RASA2: variants seen among roughly 807,000 people sequenced by gnomAD.
The protein encoded by RASA2 is RAS p21 protein activator 2.
A neutral mutation model predicts 118.2 loss-of-function variants in RASA2; 155 were observed. The ratio of observed to expected loss-of-function variants is 1.31; its 90% CI spans 1.15 to 1.50. The LOEUF (loss-of-function observed/expected upper bound fraction) is 1.50. Among genes scored for constraint, RASA2 ranks in the 40% most tolerant of loss-of-function variants. The pLI is 0.00. For synonymous variants in RASA2, 353 were observed against 349.1 expected, an observed-to-expected ratio of 1.01 and a Z score of -0.12; for missense variants, 1,016 against 1,009.6, an observed-to-expected ratio of 1.01 and a Z score of -0.09.
chr3:141,521,844 T>C (rs1377594047), intron 3 of RASA2, among the ~76,000 whole-genome samples: 1 of 151,982 alleles, frequency 6.6e-6, no homozygotes, highest in Non-Finnish European at 1.5e-5. Flanking sequence ...CTTATACATT[T>C]TTAACATTTT....
At position 141,608,662 on chromosome 3, in the gene RASA2, T is replaced by C. The variant is rs1192966380; in HGVS notation, c.2190T>C (p.Thr730=). 2 of 1,613,906 alleles carry C rather than the reference T, an allele frequency of 1.2e-6. No individual in the cohort carries two copies. The highest frequency in any genetic ancestry group is 3.3e-5 in the Admixed American group (2 of 59,948). ...GAAATTGGCTCTGCTGTCAGGAGAC[T>C]GGTGAAAACACTCTCGGCTGCAAGC... ...LNGNWLCCQE[T]GENTLGCKPC... is the part of the protein sequence containing the mutation. Residue 730 remains threonine, a synonymous_variant, in exon 21 of 24, where the codon ACT becomes ACC. Transcript: ENST00000286364.
At chr3:141,555,028 G>A (rs907145665) in intron 6 of RASA2, among the ~76,000 whole-genome samples, 44 of 152,174 alleles carry the variant, frequency 2.9e-4, no homozygotes, top group African/African-American at 9.9e-4. Context: ...TTGGGAGGCC[G>A]AGGCGGGTGG....
chr3:141,502,109 A>G (rs1290086124), intron 1 of RASA2, among the ~76,000 whole-genome samples: 2 of 152,194 alleles, frequency 1.3e-5, no homozygotes, highest in Non-Finnish European at 2.9e-5. Flanking sequence ...AAGTATATAT[A>G]ATGCAACATT....
rs186059330 is a variant in RASA2, at chr3:141,542,715, C to T, written c.527+2106C>T. On this transcript the variant is annotated intron_variant, in intron 5 of 23. Transcript: ENST00000286364. The stretch of plus-strand genomic sequence containing the variant: ...CATGTGTGTTGATTTGTGTAACTAC[C>T]ACCACCAAGATACGAAACTCTTCTG... Among the ~76,000 whole-genome samples the T allele has an allele frequency of 2.0e-4, 31 of 152,008 alleles. No homozygotes were observed. In the East Asian group the frequency reaches 5.4e-3, roughly 27 times the overall value.
chr3:141,523,818 C>T (rs1456216095), intron 3 of RASA2, among the ~76,000 whole-genome samples: 1 of 152,172 alleles, frequency 6.6e-6, no homozygotes, highest in African/African-American at 2.4e-5. Context: ...ACCTGAATAC[C>T]AGTCATGACT....
At chr3:141,555,764 C>T in intron 6 of RASA2, 76 bp from the exon 7 acceptor site, 1 of 1,264,286 alleles carries the variant, frequency 7.9e-7, no homozygotes, top group Non-Finnish European at 1.1e-6. Flanking sequence ...GGTCAGGCTC[C>T]CTGGTTGGAA....
At chr3:141,529,949 G>T (rs1182970215) in intron 4 of RASA2, 147 bp downstream of exon 4, 1 of 599,314 alleles carries the variant, frequency 1.7e-6, no homozygotes, top group Non-Finnish European at 2.8e-6. Flanking sequence ...GGTAATATAG[G>T]ACAGGAAGGT....
At chr3:141,573,255 A>T in intron 13 of RASA2, 34 bp downstream of exon 13, 2 of 1,523,740 alleles carry the variant, frequency 1.3e-6, no homozygotes, top group Non-Finnish European at 1.7e-6. Flanking sequence ...TAATTGCATT[A>T]AAATTGGTCT....
chr3:141,512,943 A>G (rs1412845890), intron 2 of RASA2, among the ~76,000 whole-genome samples: 4 of 151,906 alleles, frequency 2.6e-5, no homozygotes, highest in South Asian at 2.1e-4. Flanking sequence ...GGTGTCTGTA[A>G]TCTCAGCTAC....
chr3:141,581,692 T>A (rs1437860551), intron 17 of RASA2, among the ~76,000 whole-genome samples: 1 of 152,176 alleles, frequency 6.6e-6, no homozygotes, highest in Non-Finnish European at 1.5e-5. Flanking sequence ...GGGCACTTAA[T>A]TGCCATAGTA....
intron 19 of RASA2, among the ~76,000 whole-genome samples, chr3:141,596,577 C>T (rs1277188900): frequency 1.3e-5 from 2 of 152,012 alleles, no homozygotes; most frequent in African/African-American, 4.8e-5. Flanking sequence ...ATTTGCAAAA[C>T]GCTTATCTAA....
At chr3:141,611,656 G>A (rs912069321) in intron 23 of RASA2, among the ~76,000 whole-genome samples, 36 of 152,054 alleles carry the variant, frequency 2.4e-4, no homozygotes, top group African/African-American at 8.5e-4. Context: ...CTGAATCCTG[G>A]CCCTACCACT....
intron 4 of RASA2, among the ~76,000 whole-genome samples, chr3:141,536,614 G>T (rs1034924360): frequency 1.3e-5 from 2 of 152,166 alleles, no homozygotes; most frequent in Admixed American, 1.3e-4. Flanking sequence ...ATAATACAGT[G>T]CAAGGTATCT....
chr3:141,507,051 T>G (rs771517366), intron 1 of RASA2, among the ~76,000 whole-genome samples: 1 of 152,172 alleles, frequency 6.6e-6, no homozygotes, highest in Non-Finnish European at 1.5e-5. Context: ...TTTGTGAAGG[T>G]AGATACAACT....
intron 19 of RASA2, chr3:141,600,233 C>G (rs1166664420): frequency 2.0e-6 from 1 of 490,514 alleles, no homozygotes; most frequent in Non-Finnish European, 4.1e-6. Flanking sequence ...AAAAAGGTTT[C>G]TTGAAGGAAA....
At chr3:141,577,668 A>C (rs2083035460) in intron 15 of RASA2, among the ~76,000 whole-genome samples, 1 of 152,222 alleles carries the variant, frequency 6.6e-6, no homozygotes, top group African/African-American at 2.4e-5. Flanking sequence ...GAACTGGATA[A>C]GCATTAACAG....
At chr3:141,504,887 T>G (rs983067839) in intron 1 of RASA2, among the ~76,000 whole-genome samples, 6 of 152,164 alleles carry the variant, frequency 3.9e-5, no homozygotes, top group African/African-American at 1.4e-4. Flanking sequence ...TTGCCACTCC[T>G]CCAGTGTGCC....
chr3:141,561,431 T>C (rs3821709), intron 9 of RASA2, among the ~76,000 whole-genome samples: 10,878 of 152,318 alleles, frequency 0.071, 754 homozygotes, highest in East Asian at 0.24. Context: ...TTTATTTTTA[T>C]AGATGTTTTT....
At position 141,572,691 on chromosome 3, in the gene RASA2, C is replaced by G. The variant is rs1314529497; in HGVS notation, c.1252C>G (p.Leu418Val). 1 of 1,611,836 alleles carries G rather than the reference C, an allele frequency of 6.2e-7. No homozygotes were observed. The highest frequency in any genetic ancestry group is 8.5e-7 in the Non-Finnish European group (1 of 1,178,354). The change falls in exon 12 of 24, where the codon CTG becomes GTG. Residue 418 changes from leucine (L) to valine (V), a missense_variant. By Grantham distance (32) the Leu-to-Val change is conservative. Around this residue, in one of 2 missense-constraint regions of RASA2, gnomAD observed 896 missense variants for 836.4 expected, o/e 1.07. Coordinates refer to ENST00000286364, the MANE Select transcript of RASA2 (RefSeq NM_006506.5). ...EMMKIVGGHY[L>V]KVTLKPILDE... ...GATGAAAATAGTGGGAGGGCACTAC[C>G]TGAAAGTAACATTAAAACCTATTCT...
Sources: gnomAD v4.1 joint callset for allele counts (sites outside exome capture counted in the v4.1 genomes callset) on GRCh38, gnomAD v4.1.1 for gene constraint, gnomAD v4.1.1 regional missense constraint, MANE v1.5 for transcripts, NCBI Gene and HGNC (gene_info 2026-07-23, HGNC 2026-07-21) for gene names.